Variants in APPL2 observed in about 807,000 individuals in gnomAD.
The protein encoded by APPL2 is DCC-interacting protein 13-beta.
Under a neutral mutation model 92.7 loss-of-function variants are expected in APPL2, and 84 were observed. That is an observed-to-expected ratio of 0.91 (90% confidence interval 0.76 to 1.09). The LOEUF is 1.09. APPL2 is among the 50% of genes least tolerant of loss of function. The pLI, the probability that APPL2 is intolerant of heterozygous loss-of-function variation, is 0.00. For missense variants in APPL2, 736 were observed against 824.5 expected, an observed-to-expected ratio of 0.89 and a Z score of 1.31; for synonymous variants, 291 against 291.0, an observed-to-expected ratio of 1.00 and a Z score of 0.00.
Position 105,174,241 on chromosome 12 carries a change from A to G in APPL2, c.*73T>C, listed in dbSNP as rs1431575207. 7 of 1,545,400 alleles carry G rather than the reference A, an allele frequency of 4.5e-6. No individual in the cohort carries two copies. The highest frequency in any genetic ancestry group is 1.4e-5 in the African/African-American group (1 of 72,120). On this transcript the variant is annotated 3_prime_UTR_variant, in exon 21 of 21. Transcript: ENST00000258530. ...TCGGAAATCAGGTCAGTGTGCCTGTATGTCAGAGACGTTAAAACCCTTAGG... is the reference window on the plus strand; with the variant it reads ...TCGGAAATCAGGTCAGTGTGCCTGTGTGTCAGAGACGTTAAAACCCTTAGG...
At chr12:105,181,329 A>T (rs916475694) in intron 17 of APPL2, among the ~76,000 whole-genome samples, 2 of 152,186 alleles carry the variant, frequency 1.3e-5, no homozygotes, top group African/African-American at 2.4e-5. Context: ...CATGGTGGAT[A>T]AGCTTTTTAA....
intron 17 of APPL2, among the ~76,000 whole-genome samples, chr12:105,178,649 C>G (rs2135888016): frequency 6.6e-6 from 1 of 152,286 alleles, no homozygotes; most frequent in African/African-American, 2.4e-5. Flanking sequence ...TCTACCCTGG[C>G]TACTCACCTG....
intron 9 of APPL2, among the ~76,000 whole-genome samples, chr12:105,199,887 CCT>C (rs1888005370): frequency 6.6e-6 from 1 of 151,832 alleles, no homozygotes; most frequent in South Asian, 2.1e-4. Context: ...GGCGCGATCT[CCT>C]CTCACTGCAA....
At chr12:105,186,704 C>CATATATATA (rs777376134) in intron 17 of APPL2, among the ~76,000 whole-genome samples, 2 of 101,050 alleles carry the variant, frequency 2.0e-5, no homozygotes, top group Non-Finnish European at 4.2e-5. Flanking sequence ...TATATCATAT[C>CATATATATA]ATATATCATA....
At chr12:105,217,221 C>T in intron 3 of APPL2, 81 bp from the exon 4 acceptor site, 1 of 864,510 alleles carries the variant, frequency 1.2e-6, no homozygotes, top group Non-Finnish European at 1.8e-6. Context: ...AGAACACGAC[C>T]CTCCACACCG....
chr12:105,194,176 G>A (rs1045190491), intron 14 of APPL2, among the ~76,000 whole-genome samples: 7 of 152,202 alleles, frequency 4.6e-5, no homozygotes, highest in Non-Finnish European at 8.8e-5. Flanking sequence ...AAATATAGTC[G>A]TAATTTTAAT....
At chr12:105,197,632 C>CT (rs2135967651) in intron 11 of APPL2, 133 bp downstream of exon 11, 1 of 1,121,554 alleles carries the variant, frequency 8.9e-7, no homozygotes, top group African/African-American at 1.6e-5. Context: ...AATCATCCTC[C>CT]TGAAAGGTCA....
chr12:105,213,789 C>T (rs1007360413), intron 4 of APPL2, among the ~76,000 whole-genome samples: 1 of 152,234 alleles, frequency 6.6e-6, no homozygotes. Flanking sequence ...TTAGGCCCCA[C>T]CTGGGCTAAC....
intron 17 of APPL2, among the ~76,000 whole-genome samples, chr12:105,186,616 CA>C (rs1886632142): frequency 3.8e-5 from 2 of 52,192 alleles, no homozygotes; most frequent in Non-Finnish European, 8.0e-5. Context: ...ATATATATAT[CA>C]TATATATATC....
At chr12:105,184,919 TG>T (rs35616593) in intron 17 of APPL2, among the ~76,000 whole-genome samples, 103,920 of 152,022 alleles carry the variant, frequency 0.68, 36,189 homozygotes, top group Middle Eastern at 0.83. Flanking sequence ...AGCCCCTGAC[TG>T]GGGGCTGCTA....
intron 2 of APPL2, among the ~76,000 whole-genome samples, chr12:105,219,880 G>A (rs1317954380): frequency 6.6e-6 from 1 of 152,138 alleles, no homozygotes; most frequent in Non-Finnish European, 1.5e-5. Context: ...TGTTCCTGAG[G>A]GCAGCACCAT....
At chr12:105,181,066 T>C (rs957613833) in intron 17 of APPL2, among the ~76,000 whole-genome samples, 6 of 152,174 alleles carry the variant, frequency 3.9e-5, no homozygotes, top group Non-Finnish European at 8.8e-5. Context: ...GCTTCCAGTT[T>C]TTGCCCATTC....
At chr12:105,225,988 C>T (rs1368218831) in intron 2 of APPL2, among the ~76,000 whole-genome samples, 1 of 152,134 alleles carries the variant, frequency 6.6e-6, no homozygotes. Context: ...TAATGAAAAA[C>T]TGTATCTTGC....
intron 2 of APPL2, among the ~76,000 whole-genome samples, chr12:105,228,338 A>G (rs1276898577): frequency 1.3e-5 from 2 of 152,160 alleles, no homozygotes; most frequent in Non-Finnish European, 2.9e-5. Context: ...TCGTGTCAGC[A>G]CTCAAAAAGT....
At chr12:105,194,492 A>G (rs1486437430) in intron 14 of APPL2, among the ~76,000 whole-genome samples, 2 of 152,166 alleles carry the variant, frequency 1.3e-5, no homozygotes, top group Non-Finnish European at 2.9e-5. Flanking sequence ...GGAGTTCAAG[A>G]CCAGCCTGGC....
chr12:105,229,331 G>T (rs768014777), intron 1 of APPL2, 108 bp from the exon 2 acceptor site: 5 of 1,055,138 alleles, frequency 4.7e-6, no homozygotes, highest in Non-Finnish European at 5.4e-6. Flanking sequence ...TGCGAGGAAA[G>T]AAAGGTACCT....
At chr12:105,186,622 T>TATCTCATATATATGATATCG (rs375988140) in intron 17 of APPL2, among the ~76,000 whole-genome samples, 1 of 125,678 alleles carries the variant, frequency 8.0e-6, no homozygotes, top group African/African-American at 3.3e-5. Flanking sequence ...ATATCATATA[T>TATCTCATATATATGATATCG]ATATCATATA....
chr12:105,174,253 T>C lies in APPL2; in HGVS notation c.*61A>G. 3 of 1,583,084 alleles carry C rather than the reference T, an allele frequency of 1.9e-6. No homozygotes were observed. Among genetic ancestry groups the C allele is most frequent in the Admixed American group, 3.6e-5 (2 of 56,138 alleles). On this transcript the variant is annotated 3_prime_UTR_variant, in exon 21 of 21. Coordinates refer to ENST00000258530, the MANE Select transcript of APPL2 (RefSeq NM_018171.5). ...TCAGTGTGCCTGTATGTCAGAGACGTTAAAACCCTTAGGAGGTAGCTCTCC... is the reference window on the plus strand; with the variant it reads ...TCAGTGTGCCTGTATGTCAGAGACGCTAAAACCCTTAGGAGGTAGCTCTCC...
chr12:105,195,297 G>T lies in APPL2; in HGVS notation c.1205C>A (p.Thr402Lys), dbSNP rs769306446. 3 of 1,614,018 alleles carry T rather than the reference G, an allele frequency of 1.9e-6. No homozygotes were observed. The highest frequency in any genetic ancestry group is 2.5e-6 in the Non-Finnish European group (3 of 1,180,034). Residue 402 changes from threonine to lysine, a missense_variant, in exon 14 of 21, where the codon ACA becomes AAA. Thr to Lys is a moderately conservative substitution (Grantham distance 78). Transcript: ENST00000258530. ...GCTTTCTTGTTTTTTTCCAAAACTT[G>T]TAATGGGAGTCACTGCTTGCAGAGC... ...QTALQAVTPI[T>K]SFGKKQESSC...
Sources: allele counts gnomAD v4.1 joint callset (sites outside exome capture counted in the v4.1 genomes callset), GRCh38; gene constraint gnomAD v4.1.1; transcripts MANE v1.5; gene names NCBI Gene and HGNC (gene_info 2026-07-23, HGNC 2026-07-21).